Variants in LRPPRC observed in about 807,000 individuals in gnomAD.
LRPPRC encodes the protein leucine-rich PPR motif-containing protein, mitochondrial.
Under a neutral mutation model 180.3 loss-of-function variants are expected in LRPPRC, and 120 were observed. That is an observed-to-expected ratio of 0.67 (90% CI 0.57 to 0.77). The LOEUF is 0.77. LRPPRC is among the 30% of genes least tolerant of loss of function. The pLI, the probability that LRPPRC is intolerant of heterozygous loss-of-function variation, is 0.00. For missense variants in LRPPRC, 2,012 were observed against 1,657.2 expected, an observed-to-expected ratio of 1.21 and a Z score of -3.72; for synonymous variants, 723 against 600.0, an observed-to-expected ratio of 1.21 and a Z score of -3.00.
Position 43,887,153 on chromosome 2 carries a change from A to G in LRPPRC, c.*1447T>C, listed in dbSNP as rs1435719582. The G allele has an allele frequency of 2.6e-5, 4 of 151,196 alleles. No individual in the cohort carries two copies. Among genetic ancestry groups the G allele is most frequent in the African/African-American group, 9.7e-5 (4 of 41,254 alleles). The allele number at this position is 151,196 out of a possible 1,614,324, so 9.4% of individuals were successfully genotyped here. ...AGAGCAAGACTATCTCAAAAAAAAA[A>G]AAAAAAAAAAAGATGCTTTTGGCAA... On this transcript the variant is annotated 3_prime_UTR_variant, in exon 38 of 38. Coordinates refer to ENST00000260665, the MANE Select transcript of LRPPRC (RefSeq NM_133259.4).
chr2:43,961,558 G>C (rs1673348576), intron 12 of LRPPRC, among the ~76,000 whole-genome samples: 1 of 152,206 alleles, frequency 6.6e-6, no homozygotes, highest in Admixed American at 6.5e-5. Context: ...TGGACAGATT[G>C]TACAGCCCTA....
chr2:43,950,008 T>C lies in LRPPRC; in HGVS notation c.1678-349A>G, dbSNP rs112092705. On this transcript the variant is annotated intron_variant, in intron 15 of 37. Coordinates refer to ENST00000260665, the MANE Select transcript of LRPPRC (RefSeq NM_133259.4). ...AGGAATTATTGACCAATATTATTCCTCATTATATTGCTTTTGGTCTTGTTG... is the reference window on the plus strand; with the variant it reads ...AGGAATTATTGACCAATATTATTCCCCATTATATTGCTTTTGGTCTTGTTG... Among the ~76,000 whole-genome samples the C allele has an allele frequency of 5.1e-3, 773 of 152,362 alleles. 10 individuals are homozygous for C. Among genetic ancestry groups the C allele is most frequent in the African/African-American group, 0.017 (725 of 41,580 alleles).
chr2:43,937,414 T>A (rs969389461), intron 23 of LRPPRC, among the ~76,000 whole-genome samples: 1 of 152,182 alleles, frequency 6.6e-6, no homozygotes, highest in Non-Finnish European at 1.5e-5. Context: ...TGTGGTTGGA[T>A]CATGTCATTT....
At chr2:43,978,712 G>A (rs529043775) in intron 3 of LRPPRC, among the ~76,000 whole-genome samples, 8 of 151,986 alleles carry the variant, frequency 5.3e-5, no homozygotes, top group East Asian at 1.9e-4. Flanking sequence ...TATTCTAGAT[G>A]TATTCAAAAC....
intron 30 of LRPPRC, among the ~76,000 whole-genome samples, chr2:43,907,860 T>G (rs1671116551): frequency 6.6e-6 from 1 of 152,194 alleles, no homozygotes; most frequent in African/African-American, 2.4e-5. Flanking sequence ...AATGACAGCC[T>G]TTCAAATTTA....
chr2:43,939,617 T>A (rs999807799), intron 23 of LRPPRC, among the ~76,000 whole-genome samples: 1 of 152,326 alleles, frequency 6.6e-6, no homozygotes, highest in East Asian at 1.9e-4. Flanking sequence ...TTCACAAAAA[T>A]TATTCTGTTA....
chr2:43,891,337 C>T (rs576385967), intron 36 of LRPPRC, among the ~76,000 whole-genome samples: 1 of 152,346 alleles, frequency 6.6e-6, no homozygotes, highest in African/African-American at 2.4e-5. Context: ...CATACCTTGG[C>T]TTTAATGCAC....
At chr2:43,943,934 T>C (rs759439306) in intron 22 of LRPPRC, 40 bp from the exon 23 acceptor site, 13 of 1,468,578 alleles carry the variant, frequency 8.9e-6, no homozygotes, top group Admixed American at 6.8e-5. Flanking sequence ...GGTAATTTCA[T>C]GTAGGGAAAA....
chr2:43,949,092 G>A (rs1672802750), intron 16 of LRPPRC, among the ~76,000 whole-genome samples: 1 of 152,140 alleles, frequency 6.6e-6, no homozygotes, highest in Admixed American at 6.6e-5. Flanking sequence ...ATAGGGCCAT[G>A]TTACAGTAAT....
Position 43,962,305 on chromosome 2 carries a change from C to T in LRPPRC, c.1488+1283G>A, listed in dbSNP as rs527890711. Among the ~76,000 whole-genome samples the T allele has an allele frequency of 2.4e-4, 37 of 152,154 alleles. No homozygotes were observed. The South Asian group carries it at 7.5e-3, about 31-fold the overall frequency. On this transcript the variant is annotated intron_variant, in intron 12 of 37. Transcript: ENST00000260665. ...CAGTAAAATATGTATAGTACAGGCT[C>T]AACATACTCCACTAAGAACTTAGGG...
Position 43,905,746 on chromosome 2 carries a change from C to G in LRPPRC, c.3310G>C (p.Asp1104His). 1.2e-6 allele frequency: 2 copies of G among 1,613,934 alleles called. No homozygotes were observed. The highest frequency in any genetic ancestry group is 1.7e-6 in the Non-Finnish European group (2 of 1,179,806). ...ATGATGAGGCGGCTGTTGGCAGCAT[C>G]GTTCAGTGTGAAGCCCTTGATGTGG... is the stretch of plus-strand genomic sequence containing the variant. ...ETHIKGFTLNDAANSRLIITQ... is the reference protein window; with the variant it reads ...ETHIKGFTLNHAANSRLIITQ... Residue 1104 changes from aspartate (D) to histidine (H), a missense_variant, in exon 31 of 38, where the codon GAT (aspartate) becomes CAT (histidine). Transcript: ENST00000260665.
At chr2:43,940,863 G>T (rs946925447) in intron 23 of LRPPRC, among the ~76,000 whole-genome samples, 9 of 152,128 alleles carry the variant, frequency 5.9e-5, no homozygotes, top group African/African-American at 2.2e-4. Context: ...TCATCTCCAT[G>T]AATCAGGCAT....
At position 43,888,442 on chromosome 2, in the gene LRPPRC, A is replaced by G. The variant is rs1327171443; in HGVS notation, c.*158T>C. 163 of 578,152 alleles carry G rather than the reference A, an allele frequency of 2.8e-4. No individual in the cohort carries two copies. The highest frequency in any genetic ancestry group is 5.6e-5 in the Non-Finnish European group (18 of 320,658). The allele number at this position is 578,152 out of a possible 1,614,324, so 35.8% of individuals were successfully genotyped here. On this transcript the variant is annotated 3_prime_UTR_variant, in exon 38 of 38. Transcript: ENST00000260665. ...AAACTCCAAAAATGTCCAATAACCA[A>G]GTGCACAGAGTTATGGTCAATAAGA...
At position 43,995,938 on chromosome 2, in the gene LRPPRC, G is replaced by T. The variant is rs575991450; in HGVS notation, c.10C>A (p.Leu4Met). Residue 4 changes from leucine to methionine, a missense_variant, in exon 1 of 38, where the codon CTG (leucine) becomes ATG (methionine). Physicochemically the swap from Leu to Met is conservative, Grantham distance 15 (BLOSUM62 2). Coordinates refer to ENST00000260665, the MANE Select transcript of LRPPRC (RefSeq NM_133259.4). MAA[L>M]LRSARWLLRA... Reference sequence around the variant, plus strand: ...AGCAACCAACGCGCGGATCTCAGCAGGGCTGCCATTGCTCGAACGTCCCCG... The same window carrying T: ...AGCAACCAACGCGCGGATCTCAGCATGGCTGCCATTGCTCGAACGTCCCCG... 40 of 1,526,370 alleles carry T rather than the reference G, an allele frequency of 2.6e-5. No homozygotes were observed. The African/African-American group carries it at 5.4e-4, about 21-fold the overall frequency. The allele number at this position is 1,526,370 out of a possible 1,614,324, so 94.6% of individuals were successfully genotyped here.
Position 43,924,225 on chromosome 2 carries a change from C to G in LRPPRC, c.2896+842G>C, listed in dbSNP as rs1467601914. On this transcript the variant is annotated intron_variant, in intron 27 of 37. Transcript: ENST00000260665. ...TAAATCTAGATAAACATCCATGAAACAAATAGGGAAAGGTCACTGGCTGTT... is the reference window on the plus strand; with the variant it reads ...TAAATCTAGATAAACATCCATGAAAGAAATAGGGAAAGGTCACTGGCTGTT... Among the ~76,000 whole-genome samples, 3 of 152,180 alleles carry G rather than the reference C, an allele frequency of 2.0e-5. No homozygotes were observed. In the East Asian group the frequency reaches 5.8e-4, roughly 29 times the overall value.
chr2:43,923,490 A>G (rs1671769290), intron 27 of LRPPRC, among the ~76,000 whole-genome samples: 1 of 152,164 alleles, frequency 6.6e-6, no homozygotes, highest in East Asian at 1.9e-4. Context: ...TCAAAAACAA[A>G]GCAAAACTAA....
At chr2:43,988,510 T>C (rs1285181834) in intron 1 of LRPPRC, among the ~76,000 whole-genome samples, 4 of 152,138 alleles carry the variant, frequency 2.6e-5, no homozygotes, top group African/African-American at 9.7e-5. Flanking sequence ...CACTTCAATC[T>C]GGGCAGTAAG....
intron 29 of LRPPRC, among the ~76,000 whole-genome samples, chr2:43,914,770 T>C (rs1671383261): frequency 6.6e-6 from 1 of 152,038 alleles, no homozygotes; most frequent in Admixed American, 6.6e-5. Context: ...TGAAACCAAT[T>C]AGATAAATGA....
intron 37 of LRPPRC, 53 bp downstream of exon 37, chr2:43,889,681 A>G (rs1670412569): frequency 5.5e-6 from 7 of 1,276,824 alleles, no homozygotes; most frequent in Non-Finnish European, 8.0e-6. Context: ...ATTGTTATGA[A>G]GTGCACATAA....
Sources: gnomAD v4.1 joint callset for allele counts (sites outside exome capture counted in the v4.1 genomes callset) on GRCh38, gnomAD v4.1.1 for gene constraint, MANE v1.5 for transcripts, NCBI Gene and HGNC (gene_info 2026-07-23, HGNC 2026-07-21) for gene names.